Variants in BIRC2 observed in about 807,000 individuals in gnomAD.
The protein encoded by BIRC2 is baculoviral IAP repeat-containing protein 2.
BIRC2 carries 18 observed loss-of-function variants against 60.9 expected under a neutral mutation model. The observed-to-expected ratio is 0.30, with a 90% confidence interval of 0.20 to 0.44. The LOEUF is 0.44. Ranked by LOEUF, BIRC2 falls within the 20% of genes least tolerant of loss-of-function variation. BIRC2 has a pLI of 1.00. For missense variants in BIRC2, 701 were observed against 728.5 expected (o/e 0.96, Z 0.43); for synonymous variants, 282 against 247.7 (o/e 1.14, Z -1.30).
Position 102,362,991 on chromosome 11 carries a change from A to G in BIRC2, c.1074+17A>G. The stretch of plus-strand genomic sequence containing the variant: ...CTTGAACAGGTAAATACATTTTTAA[A>G]ATTAACAACATTGAATTCTGCTTTA... On this transcript the variant is annotated intron_variant, in intron 4 of 8. Coordinates refer to ENST00000227758, the MANE Select transcript of BIRC2 (RefSeq NM_001166.5). 6.5e-7 allele frequency: 1 copy of G among 1,530,702 alleles called. No homozygotes were observed. Among genetic ancestry groups the G allele is most frequent in the Non-Finnish European group, 9.0e-7 (1 of 1,107,796 alleles). 94.8% of individuals were successfully genotyped at this position (1,530,702 alleles called of 1,614,324 possible).
At chr11:102,363,513 T>G (rs1209183161) in intron 4 of BIRC2, among the ~76,000 whole-genome samples, 155 bp from the exon 5 acceptor site, 1 of 152,210 alleles carries the variant, frequency 6.6e-6, no homozygotes, top group Non-Finnish European at 1.5e-5. Flanking sequence ...GAAATCTATG[T>G]GATTAGGGTA....
At chr11:102,352,622 G>T (rs1393513475) in intron 3 of BIRC2, among the ~76,000 whole-genome samples, 1 of 151,964 alleles carries the variant, frequency 6.6e-6, no homozygotes, top group Non-Finnish European at 1.5e-5. Context: ...GTAGAGACAG[G>T]GTTTCACCAT....
At chr11:102,365,522 A>C (rs182517306) in intron 5 of BIRC2, among the ~76,000 whole-genome samples, 34 of 152,194 alleles carry the variant, frequency 2.2e-4, no homozygotes, top group Non-Finnish European at 3.4e-4. Context: ...CGTGTTAGCA[A>C]ATCCACTACT....
chr11:102,361,451 C>T (rs1951484871), intron 3 of BIRC2, among the ~76,000 whole-genome samples: 1 of 152,008 alleles, frequency 6.6e-6, no homozygotes, highest in Non-Finnish European at 1.5e-5. Context: ...GCTGCACTGT[C>T]TGGGCAGTGC....
At chr11:102,364,327 A>G (rs1951528381) in intron 5 of BIRC2, among the ~76,000 whole-genome samples, 1 of 151,614 alleles carries the variant, frequency 6.6e-6, no homozygotes, top group Non-Finnish European at 1.5e-5. Context: ...TAAGCAAAAG[A>G]AAAACAAAAA....
intron 4 of BIRC2, 92 bp from the exon 5 acceptor site, chr11:102,363,576 C>A: frequency 1.1e-6 from 1 of 929,330 alleles, no homozygotes; most frequent in Non-Finnish European, 1.7e-6. Context: ...AGAACATATA[C>A]ATTTACTTAA....
Position 102,348,901 on chromosome 11 carries a change from C to G in BIRC2, c.-954C>G, listed in dbSNP as rs1274699526. The G allele has an allele frequency of 5.5e-6, 1 of 183,112 alleles. No homozygotes were observed. Among genetic ancestry groups the G allele is most frequent in the Non-Finnish European group, 1.2e-5 (1 of 86,214 alleles). The allele number at this position is 183,112 out of a possible 1,614,324, so 11.3% of individuals were successfully genotyped here. On this transcript the variant is annotated 5_prime_UTR_variant, in exon 2 of 9. Transcript: ENST00000227758. ...AAATTGATTAATGTTTACAACATGA[C>G]TGATAATTATAGCTGAATAGTCCTT...
At position 102,350,222 on chromosome 11, in the gene BIRC2, C is replaced by G. The variant is rs1951340453; in HGVS notation, c.368C>G (p.Ser123Cys). The G allele has an allele frequency of 6.2e-7, 1 of 1,614,076 alleles. No individual in the cohort carries two copies. Among genetic ancestry groups the G allele is most frequent in the South Asian group, 1.1e-5 (1 of 91,088 alleles). Residue 123 changes from serine (S) to cysteine (C), a missense_variant, in exon 2 of 9, where the codon TCC becomes TGC. Physicochemically the swap from Ser to Cys is moderately radical, Grantham distance 112 (BLOSUM62 -1). Transcript: ENST00000227758. Reference protein sequence around the residue: ...IQNLVSASLGSTSKNTSPMRN... With the variant: ...IQNLVSASLGCTSKNTSPMRN... Reference sequence around the variant, plus strand: ...AATCTGGTTTCAGCTAGTCTGGGATCCACCTCTAAGAATACGTCTCCAATG... The same window carrying G: ...AATCTGGTTTCAGCTAGTCTGGGATGCACCTCTAAGAATACGTCTCCAATG...
At chr11:102,364,184 CACAG>C (rs1210655833) in intron 5 of BIRC2, among the ~76,000 whole-genome samples, 25 of 104,034 alleles carry the variant, frequency 2.4e-4, no homozygotes, top group African/African-American at 1.1e-3. Context: ...TACACACACA[CACAG>C]AGAGAGAGAG....
At chr11:102,366,467 C>T (rs954703680) in intron 5 of BIRC2, among the ~76,000 whole-genome samples, 18 of 151,774 alleles carry the variant, frequency 1.2e-4, no homozygotes, top group African/African-American at 2.7e-4. Flanking sequence ...GCCGGGTTCA[C>T]GCCATTCTCT....
intron 3 of BIRC2, among the ~76,000 whole-genome samples, chr11:102,352,403 C>T (rs1247097398): frequency 4.7e-5 from 7 of 149,696 alleles, no homozygotes; most frequent in South Asian, 4.3e-4. Context: ...CGTGAGCCAC[C>T]GCGTCCAGCC....
At position 102,349,895 on chromosome 11, in the gene BIRC2, C is replaced by T. The variant is rs531296011; in HGVS notation, c.41C>T (p.Ser14Leu). The change falls in exon 2 of 9, where the codon TCG becomes TTG. Residue 14 changes from serine (S) to leucine (L), a missense_variant. Physicochemically the swap from Ser to Leu is moderately radical, Grantham distance 145. Around this residue, in one of 4 missense-constraint regions of BIRC2, gnomAD observed 375 missense variants for 365.9 expected, o/e 1.02. Transcript: ENST00000227758. The part of the protein sequence containing the change: ...TASQRLFPGP[S>L]YQNIKSIMED... ...TCCCAAAGACTTTTCCCAGGTCCCT[C>T]GTATCAAAACATTAAGAGTATAATG... 4.1e-5 allele frequency: 66 copies of T among 1,612,590 alleles called. No homozygotes were observed. Among genetic ancestry groups the T allele is most frequent in the South Asian group, 3.9e-4 (35 of 90,884 alleles).
Position 102,348,629 on chromosome 11 carries a change from AT to A in BIRC2, c.-1222del. ...AACCCTGAAGAATCTCCCTATCCCTATTTTGTCCCCCTGCAGTAATAAATCC... is the reference window on the plus strand; with the variant it reads ...AACCCTGAAGAATCTCCCTATCCCTATTTGTCCCCCTGCAGTAATAAATCC... On this transcript the variant is annotated 5_prime_UTR_variant, in exon 2 of 9. Coordinates refer to ENST00000227758, the MANE Select transcript of BIRC2 (RefSeq NM_001166.5). 1 of 279,986 alleles carries A rather than the reference AT, an allele frequency of 3.6e-6. No individual in the cohort carries two copies. The highest frequency in any genetic ancestry group is 7.0e-6 in the Non-Finnish European group (1 of 141,858). The allele number at this position is 279,986 out of a possible 1,614,324, so 17.3% of individuals were successfully genotyped here.
intron 6 of BIRC2, among the ~76,000 whole-genome samples, chr11:102,373,555 T>G (rs1951661508): frequency 6.6e-6 from 1 of 152,040 alleles, no homozygotes; most frequent in African/African-American, 2.4e-5. Context: ...TCTGATGGGC[T>G]TCCCTTTGAG....
intron 6 of BIRC2, among the ~76,000 whole-genome samples, chr11:102,376,630 G>A (rs11225235): frequency 0.056 from 8,527 of 152,130 alleles, 268 homozygotes; most frequent in Non-Finnish European, 0.069. Flanking sequence ...TAAATTAACT[G>A]TGGAGTTTTA....
intron 3 of BIRC2, among the ~76,000 whole-genome samples, chr11:102,351,940 T>C (rs961883017): frequency 3.9e-5 from 6 of 152,186 alleles, no homozygotes; most frequent in African/African-American, 1.4e-4. Flanking sequence ...TTTTTAAGTG[T>C]ATAGTTGTGT....
chr11:102,350,669 G>A lies in BIRC2; in HGVS notation c.815G>A (p.Arg272Gln), dbSNP rs1565330617. ...SNLSMQTHAARMRTFMYWPSS... is the reference protein window; with the variant it reads ...SNLSMQTHAAQMRTFMYWPSS... ...CTGAGCATGCAGACACATGCAGCTC[G>A]AATGAGAACATTTATGTACTGGCCA... Residue 272 changes from arginine (R) to glutamine (Q), a missense_variant, in exon 2 of 9, where the codon CGA (arginine) becomes CAA (glutamine). Arg to Gln is a conservative substitution (Grantham distance 43). Coordinates refer to ENST00000227758, the MANE Select transcript of BIRC2 (RefSeq NM_001166.5). The A allele has an allele frequency of 6.2e-7, 1 of 1,613,606 alleles. No individual in the cohort carries two copies. Among genetic ancestry groups the A allele is most frequent in the Non-Finnish European group, 8.5e-7 (1 of 1,180,008 alleles).
In BIRC2 at chr11:102,377,689, G is replaced by C; in HGVS notation, c.1560G>C (p.Ala520=). The C allele has an allele frequency of 1.2e-6, 2 of 1,610,566 alleles. No individual in the cohort carries two copies. Among genetic ancestry groups the C allele is most frequent in the African/African-American group, 1.3e-5 (1 of 74,694 alleles). Residue 520 remains alanine (A), a synonymous_variant, in exon 7 of 9, where the codon GCG becomes GCC. Coordinates refer to ENST00000227758, the MANE Select transcript of BIRC2 (RefSeq NM_001166.5). ...IDTILVKGNA[A]ANIFKNCLKE... is the part of the protein sequence containing the mutation. ...CCATTTTGGTTAAAGGAAATGCTGCGGCCAACATCTTCAAAAACTGTCTAA... is the reference window on the plus strand; with the variant it reads ...CCATTTTGGTTAAAGGAAATGCTGCCGCCAACATCTTCAAAAACTGTCTAA...
At chr11:102,372,967 T>G (rs2135822702) in intron 6 of BIRC2, among the ~76,000 whole-genome samples, 1 of 151,874 alleles carries the variant, frequency 6.6e-6, no homozygotes, top group East Asian at 1.9e-4. Flanking sequence ...AAAGTCCGTT[T>G]TATCAGAGAC....
Sources: gnomAD v4.1 joint callset for allele counts (sites outside exome capture counted in the v4.1 genomes callset) on GRCh38, gnomAD v4.1.1 for gene constraint, gnomAD v4.1.1 regional missense constraint, MANE v1.5 for transcripts, NCBI Gene and HGNC (gene_info 2026-07-23, HGNC 2026-07-21) for gene names.